Variants in GOLGB1 observed in about 807,000 individuals in gnomAD.
GOLGB1 encodes golgin B1, also known as golgin subfamily B member 1.
In GOLGB1, 174 loss-of-function variants were observed where a neutral mutation model predicts 336.9. That is an observed-to-expected ratio of 0.52 (90% CI 0.46 to 0.59). The LOEUF is 0.59. Among genes scored for constraint, GOLGB1 ranks in the 20% least tolerant of loss-of-function variants. The pLI is 0.00. For missense variants in GOLGB1, 3,331 were observed against 3,645.3 expected (o/e 0.91, Z 2.22); for synonymous variants, 1,208 against 1,289.2 (o/e 0.94, Z 1.35).
At chr3:121,667,733 A>G (rs1938839565) in intron 19 of GOLGB1, 123 bp from the exon 20 acceptor site, 7 of 822,944 alleles carry the variant, frequency 8.5e-6, no homozygotes, top group Non-Finnish European at 1.3e-5. Flanking sequence ...TCTAAACACA[A>G]TATTTTAAAA....
At chr3:121,715,357 C>A (rs1944674003) in intron 9 of GOLGB1, among the ~76,000 whole-genome samples, 1 of 150,634 alleles carries the variant, frequency 6.6e-6, no homozygotes. Context: ...CATGCGTCAC[C>A]ATGCCTGGCT....
At chr3:121,679,605 A>G (rs1035550623) in intron 15 of GOLGB1, among the ~76,000 whole-genome samples, 1 of 152,190 alleles carries the variant, frequency 6.6e-6, no homozygotes, top group Non-Finnish European at 1.5e-5. Flanking sequence ...GGCAAACAAC[A>G]TGGAAAAAAC....
chr3:121,729,470 G>T, intron 3 of GOLGB1, 130 bp from the exon 4 acceptor site: 1 of 735,334 alleles, frequency 1.4e-6, no homozygotes, highest in Non-Finnish European at 2.2e-6. Context: ...CTGGAGTGCA[G>T]TGGCACAATC....
intron 11 of GOLGB1, among the ~76,000 whole-genome samples, chr3:121,700,462 G>A (rs1164470108): frequency 6.6e-6 from 1 of 151,942 alleles, no homozygotes; most frequent in Non-Finnish European, 1.5e-5. Context: ...TATATATTGA[G>A]CATCAATATC....
At chr3:121,732,707 C>T (rs947163988) in intron 1 of GOLGB1, among the ~76,000 whole-genome samples, 1 of 152,094 alleles carries the variant, frequency 6.6e-6, no homozygotes, top group Non-Finnish European at 1.5e-5. Context: ...TCATTCTCAG[C>T]AAACTAAGAA....
At chr3:121,675,954 G>C (rs962181226) in intron 17 of GOLGB1, among the ~76,000 whole-genome samples, 1 of 152,180 alleles carries the variant, frequency 6.6e-6, no homozygotes, top group Non-Finnish European at 1.5e-5. Context: ...AGCTGTAAAG[G>C]GTGGAACTTC....
intron 6 of GOLGB1, among the ~76,000 whole-genome samples, chr3:121,721,934 G>A (rs1279542029): frequency 1.3e-5 from 2 of 152,102 alleles, no homozygotes; most frequent in Non-Finnish European, 2.9e-5. Context: ...CTCAGCATGA[G>A]TCCATTCCCA....
chr3:121,745,572 A>T (rs866729062), intron 1 of GOLGB1, among the ~76,000 whole-genome samples: 52 of 152,080 alleles, frequency 3.4e-4, no homozygotes, highest in Middle Eastern at 6.8e-3. Context: ...ATGTATATGT[A>T]TACATATATG....
chr3:121,699,862 G>A lies in GOLGB1; in HGVS notation c.1543C>T (p.Leu515Phe), dbSNP rs138003912. The change falls in exon 12 of 22, where the codon CTC becomes TTC. Residue 515 changes from leucine (L) to phenylalanine (F), a missense_variant. Transcript: ENST00000614479. ...CCAGTTCTATTCTGAGCCTCTAGGA[G>A]AGTAATCTGAGAAGACAGTTTTTCT... ...ENEKLSSQITLLEAQNRTGEA... is the reference protein window; with the variant it reads ...ENEKLSSQITFLEAQNRTGEA... 5.6e-6 allele frequency: 9 copies of A among 1,601,072 alleles called. No homozygotes were observed. Among genetic ancestry groups the A allele is most frequent in the Non-Finnish European group, 7.7e-6 (9 of 1,169,948 alleles).
At chr3:121,710,222 A>T (rs2108031045) in intron 10 of GOLGB1, among the ~76,000 whole-genome samples, 1 of 152,228 alleles carries the variant, frequency 6.6e-6, no homozygotes, top group Admixed American at 6.5e-5. Context: ...TTTTAAAAAA[A>T]AGTATTTAAA....
At position 121,696,909 on chromosome 3, in the gene GOLGB1, T is replaced by C; in HGVS notation, c.3614A>G (p.His1205Arg). The change falls in exon 13 of 22, where the codon CAT becomes CGT. Residue 1205 changes from histidine (H) to arginine (R), a missense_variant. His to Arg is a conservative substitution (Grantham distance 29). Transcript: ENST00000614479. ...CTGTTGCTTTAGCTCCTCCCTGAGA[T>C]GTCTTTCTTTCTCCTGTGCCTTTTT... ...ILKKAQEKERHLREELKQQKD... is the reference protein window; with the variant it reads ...ILKKAQEKERRLREELKQQKD... The C allele has an allele frequency of 1.2e-6, 2 of 1,614,160 alleles. No homozygotes were observed. The highest frequency in any genetic ancestry group is 1.1e-5 in the South Asian group (1 of 91,082).
In GOLGB1 at chr3:121,717,045, T is replaced by C. The variant is rs1410175950; in HGVS notation, c.980A>G (p.Glu327Gly). 5 of 1,613,564 alleles carry C rather than the reference T, an allele frequency of 3.1e-6. No individual in the cohort carries two copies. The African/African-American group carries it at 4.0e-5, about 13-fold the overall frequency. The change falls in exon 9 of 22, where the codon GAA (glutamate) becomes GGA (glycine). Residue 327 changes from glutamate to glycine, a missense_variant. Coordinates refer to ENST00000614479, the MANE Select transcript of GOLGB1 (RefSeq NM_001366282.2). ...TEREESKILL[E>G]KMELEVAERK... is the part of the protein sequence containing the mutation. ...CTCTGCCACTTCAAGTTCCATCTTT[T>C]CCAGTAGAATCTTGGACTCCTCTCT...
At chr3:121,702,383 G>T in intron 11 of GOLGB1, 98 bp downstream of exon 11, 1 of 464,730 alleles carries the variant, frequency 2.2e-6, no homozygotes, top group Non-Finnish European at 3.9e-6. Context: ...TATTATCACG[G>T]AATCAGAGAA....
Position 121,692,460 on chromosome 3 carries a change from G to A in GOLGB1, c.6904C>T (p.Arg2302Cys), listed in dbSNP as rs371237579. 1.9e-5 allele frequency: 31 copies of A among 1,613,706 alleles called. No individual in the cohort carries two copies. The highest frequency in any genetic ancestry group is 2.5e-5 in the Non-Finnish European group (30 of 1,179,766). The part of the protein sequence containing the change: ...KELLSQLEET[R>C]HLYHSSQNEL... ...TTCTGAGAACTGTGGTATAGGTGGC[G>A]TGTCTCTTCTAGCTGGGACAAAAGT... The change falls in exon 14 of 22, where the codon CGC becomes TGC. Residue 2302 changes from arginine (R) to cysteine (C), a missense_variant. By Grantham distance (180) the Arg-to-Cys change is radical. Coordinates refer to ENST00000614479, the MANE Select transcript of GOLGB1 (RefSeq NM_001366282.2).
At chr3:121,718,929 G>C (rs915567519) in intron 7 of GOLGB1, among the ~76,000 whole-genome samples, 19 of 152,012 alleles carry the variant, frequency 1.2e-4, no homozygotes, top group African/African-American at 4.6e-4. Flanking sequence ...AAAAAAAATT[G>C]TTGAATAAAT....
Position 121,695,726 on chromosome 3 carries a change from T to G in GOLGB1, c.4797A>C (p.Lys1599Asn), listed in dbSNP as rs1942882872. The G allele has an allele frequency of 6.2e-7, 1 of 1,610,798 alleles. No individual in the cohort carries two copies. Among genetic ancestry groups the G allele is most frequent in the African/African-American group, 1.3e-5 (1 of 74,890 alleles). Residue 1599 changes from lysine to asparagine, a missense_variant, in exon 13 of 22, where the codon AAA (lysine) becomes AAC (asparagine). By Grantham distance (94) the Lys-to-Asn change is moderately conservative. Coordinates refer to ENST00000614479, the MANE Select transcript of GOLGB1 (RefSeq NM_001366282.2). The part of the protein sequence containing the change: ...EKLVKEIESL[K>N]SSKIAESTEW... ...CAGTACTTTCTGCAATCTTAGAAGA[T>G]TTCAAAGATTCAATTTCCTTCACTA...
intron 18 of GOLGB1, 48 bp downstream of exon 18, chr3:121,669,164 C>G (rs942637620): frequency 1.9e-6 from 3 of 1,601,362 alleles, no homozygotes; most frequent in Non-Finnish European, 2.6e-6. Flanking sequence ...ACCACTTGCA[C>G]TAAATTTCAT....
chr3:121,715,457 T>C (rs1457919148), intron 9 of GOLGB1, among the ~76,000 whole-genome samples: 1 of 146,484 alleles, frequency 6.8e-6, no homozygotes, highest in Non-Finnish European at 1.5e-5. Flanking sequence ...CCTCAGGTAA[T>C]CCCCCCCACC....
At chr3:121,727,320 A>ATTT (rs869189384) in intron 4 of GOLGB1, among the ~76,000 whole-genome samples, 5 of 28,636 alleles carry the variant, frequency 1.7e-4, no homozygotes, top group South Asian at 1.4e-3. Context: ...ATATATATAT[A>ATTT]TTTTTTTTTT....
Sources: gnomAD v4.1 joint callset for allele counts (sites outside exome capture counted in the v4.1 genomes callset) on GRCh38, gnomAD v4.1.1 for gene constraint, MANE v1.5 for transcripts, NCBI Gene and HGNC (gene_info 2026-07-23, HGNC 2026-07-21) for gene names.